PDE4B: variants seen among roughly 807,000 people sequenced by gnomAD.
The protein encoded by PDE4B is phosphodiesterase 4B.
In PDE4B, 20 loss-of-function variants were observed where a neutral mutation model predicts 82.2. The ratio of observed to expected loss-of-function variants is 0.24; its 90% CI spans 0.17 to 0.35. The LOEUF (loss-of-function observed/expected upper bound fraction) is 0.35. Among genes scored for constraint, PDE4B ranks in the 10% least tolerant of loss-of-function variants. PDE4B has a pLI of 1.00. For missense variants in PDE4B, 655 were observed against 907.2 expected (o/e 0.72, Z 3.57); for synonymous variants, 320 against 318.9 (o/e 1.00, Z -0.04).
At chr1:65,853,409 T>C (rs1250483052) in intron 1 of PDE4B, among the ~76,000 whole-genome samples, 1 of 152,162 alleles carries the variant, frequency 6.6e-6, no homozygotes, top group Non-Finnish European at 1.5e-5. Context: ...TAATCTACCA[T>C]ATTTCTATTA....
intron 3 of PDE4B, among the ~76,000 whole-genome samples, chr1:66,133,426 A>G (rs1424921745): frequency 6.6e-6 from 1 of 152,202 alleles, no homozygotes; most frequent in Non-Finnish European, 1.5e-5. Context: ...ACTTTCACTA[A>G]TGTATCCTAA....
chr1:66,260,179 T>C (rs1296474822), intron 6 of PDE4B, among the ~76,000 whole-genome samples: 2 of 152,106 alleles, frequency 1.3e-5, no homozygotes, highest in Non-Finnish European at 2.9e-5. Flanking sequence ...CAAATAAAGG[T>C]ATTGTTACCC....
chr1:65,828,402 T>C (rs1481883159), intron 1 of PDE4B, among the ~76,000 whole-genome samples: 1 of 151,956 alleles, frequency 6.6e-6, no homozygotes, highest in Non-Finnish European at 1.5e-5. Context: ...TGCGCCACCA[T>C]GCCTGTCTAA....
chr1:66,314,638 C>G (rs1264826778), intron 7 of PDE4B, among the ~76,000 whole-genome samples: 1 of 152,146 alleles, frequency 6.6e-6, no homozygotes, highest in South Asian at 2.1e-4. Flanking sequence ...GTTTCGAACT[C>G]CTGATCTCAG....
At chr1:65,799,851 A>G (rs1645675105) in intron 1 of PDE4B, among the ~76,000 whole-genome samples, 1 of 152,216 alleles carries the variant, frequency 6.6e-6, no homozygotes, top group Admixed American at 6.5e-5. Flanking sequence ...CTCCTCCCCC[A>G]TAACACACAC....
At chr1:66,238,795 ACTAAAGTTTCCTAG>A (rs1652663316) in intron 3 of PDE4B, among the ~76,000 whole-genome samples, 1 of 152,140 alleles carries the variant, frequency 6.6e-6, no homozygotes, top group Admixed American at 6.5e-5. Context: ...TAAAGATTAA[ACTAAAGTTTCCTAG>A]CCAAGTCTTG....
At chr1:66,065,466 C>CAAGCA (rs1655796320) in intron 3 of PDE4B, among the ~76,000 whole-genome samples, 2 of 151,778 alleles carry the variant, frequency 1.3e-5, no homozygotes, top group African/African-American at 4.8e-5. Context: ...TAACCAAAGG[C>CAAGCA]AAGCAAAACA....
chr1:66,116,991 C>T (rs970112973), intron 3 of PDE4B, among the ~76,000 whole-genome samples: 6 of 152,324 alleles, frequency 3.9e-5, no homozygotes, highest in African/African-American at 1.4e-4. Flanking sequence ...CAGCTTTGGT[C>T]TTCCAAAGTG....
chr1:66,208,484 C>T (rs1649747974), intron 3 of PDE4B, among the ~76,000 whole-genome samples: 1 of 152,186 alleles, frequency 6.6e-6, no homozygotes. Flanking sequence ...CTTGAAGATT[C>T]TTCTGGAATG....
chr1:65,911,326 A>T (rs1453200068), intron 1 of PDE4B, among the ~76,000 whole-genome samples: 1 of 152,130 alleles, frequency 6.6e-6, no homozygotes, highest in South Asian at 2.1e-4. Context: ...AAGAAATTCA[A>T]CTCACTTAGA....
chr1:65,807,363 G>A (rs922134147), intron 1 of PDE4B, among the ~76,000 whole-genome samples: 1 of 152,194 alleles, frequency 6.6e-6, no homozygotes, highest in Non-Finnish European at 1.5e-5. Context: ...GGGCTGTATT[G>A]TATTCTATTG....
chr1:66,186,197 T>A (rs1475534673), intron 3 of PDE4B, among the ~76,000 whole-genome samples: 1 of 152,180 alleles, frequency 6.6e-6, no homozygotes, highest in Non-Finnish European at 1.5e-5. Flanking sequence ...GGTCTATATC[T>A]CTGTTTTGGT....
chr1:66,285,320 C>T (rs1656598404), intron 7 of PDE4B, among the ~76,000 whole-genome samples: 1 of 152,052 alleles, frequency 6.6e-6, no homozygotes, highest in Non-Finnish European at 1.5e-5. Context: ...ATGTTATTAG[C>T]AGCATTATTT....
chr1:66,158,567 C>T (rs564632659), intron 3 of PDE4B, among the ~76,000 whole-genome samples: 1 of 152,040 alleles, frequency 6.6e-6, no homozygotes, highest in Non-Finnish European at 1.5e-5. Flanking sequence ...CTAGAAGTAC[C>T]ATATTATCCA....
chr1:65,928,600 G>A (rs1455711998), intron 3 of PDE4B, among the ~76,000 whole-genome samples: 1 of 152,178 alleles, frequency 6.6e-6, no homozygotes, highest in Non-Finnish European at 1.5e-5. Context: ...GACATACAGA[G>A]AAGAGCAATT....
intron 2 of PDE4B, among the ~76,000 whole-genome samples, chr1:65,914,347 A>G (rs1284717878): frequency 1.3e-5 from 2 of 152,064 alleles, no homozygotes; most frequent in African/African-American, 4.8e-5. Flanking sequence ...TAGGTGTGCT[A>G]TTTAGATTTT....
At chr1:66,036,034 C>T (rs2489904) in intron 3 of PDE4B, among the ~76,000 whole-genome samples, 17,802 of 152,126 alleles carry the variant, frequency 0.12, 1,206 homozygotes, top group Admixed American at 0.19. Context: ...TAGTAGCCAC[C>T]GTAACAGGGT....
chr1:66,319,179 A>G (rs1327430077), intron 7 of PDE4B, among the ~76,000 whole-genome samples: 3 of 152,216 alleles, frequency 2.0e-5, no homozygotes, highest in Non-Finnish European at 4.4e-5. Context: ...AGCATCAGGC[A>G]GAGACACTCT....
intron 3 of PDE4B, among the ~76,000 whole-genome samples, chr1:66,085,281 C>T (rs1201996954): frequency 1.3e-5 from 2 of 152,122 alleles, no homozygotes; most frequent in Non-Finnish European, 1.5e-5. Context: ...GATGAACCTA[C>T]AGGTTTGAGA....
Sources: gnomAD v4.1 joint callset for allele counts (sites outside exome capture counted in the v4.1 genomes callset) on GRCh38, gnomAD v4.1.1 for gene constraint, MANE v1.5 for transcripts, NCBI Gene and HGNC (gene_info 2026-07-23, HGNC 2026-07-21) for gene names.